The following AIM2 variants were observed in gnomAD, a reference collection of about 807,000 sequenced individuals.
AIM2 encodes interferon-inducible protein AIM2.
In AIM2, 30 loss-of-function variants were observed where a neutral mutation model predicts 27.7. The observed-to-expected ratio is 1.08, with a 90% CI of 0.81 to 1.47. AIM2 has a LOEUF of 1.47. Among genes scored for constraint, AIM2 ranks in the 40% most tolerant of loss-of-function variants. The probability of loss-of-function intolerance (pLI) is 0.00; values close to 1 mark genes in which losing one functional copy is unlikely to be tolerated. For missense variants in AIM2, 358 were observed against 411.3 expected, an observed-to-expected ratio of 0.87 and a Z score of 1.12; for synonymous variants, 141 against 145.3, an observed-to-expected ratio of 0.97 and a Z score of 0.21.
At chr1:159,108,057 G>A (rs1657490146) in intron 1 of AIM2, among the ~76,000 whole-genome samples, 1 of 152,142 alleles carries the variant, frequency 6.6e-6, no homozygotes, top group Non-Finnish European at 1.5e-5. Flanking sequence ...ATTCTATGAA[G>A]CCAGTATCAC....
At chr1:159,088,424 C>G (rs1006616736) in intron 1 of AIM2, among the ~76,000 whole-genome samples, 1 of 152,144 alleles carries the variant, frequency 6.6e-6, no homozygotes, top group East Asian at 1.9e-4. Context: ...CAGCTTCAGT[C>G]TGGTTTTCCC....
At chr1:159,119,760 T>C (rs1647479536) in intron 1 of AIM2, among the ~76,000 whole-genome samples, 1 of 152,078 alleles carries the variant, frequency 6.6e-6, no homozygotes, top group Admixed American at 6.6e-5. Flanking sequence ...TGTATTTTCG[T>C]TCTCACCCCC....
downstream of AIM2, among the ~76,000 whole-genome samples, chr1:159,059,895 C>CACAT (rs538890557): frequency 1.1e-4 from 16 of 152,212 alleles, no homozygotes; most frequent in South Asian, 3.3e-3. Flanking sequence ...TCCACCTTAC[C>CACAT]ACATATCAGA....
chr1:159,111,837 T>G (rs1178071881), intron 1 of AIM2, among the ~76,000 whole-genome samples: 1 of 69,436 alleles, frequency 1.4e-5, no homozygotes, highest in Non-Finnish European at 3.1e-5. Context: ...CTATCATCTA[T>G]CTATCTATCT....
chr1:159,074,305 C>T (rs759112617), intron 1 of AIM2, among the ~76,000 whole-genome samples: 8 of 152,034 alleles, frequency 5.3e-5, no homozygotes, highest in South Asian at 2.1e-4. Flanking sequence ...AAGAATTTTA[C>T]GGTTTGATCA....
upstream of AIM2, among the ~76,000 whole-genome samples, chr1:159,080,891 T>C (rs118000524): frequency 9.8e-3 from 1,485 of 152,258 alleles, 9 homozygotes; most frequent in Non-Finnish European, 0.015. Context: ...TGGCTCACAG[T>C]GATTCCCATG....
At chr1:159,100,680 T>C (rs1169789148) in intron 1 of AIM2, among the ~76,000 whole-genome samples, 3 of 152,216 alleles carry the variant, frequency 2.0e-5, no homozygotes, top group Non-Finnish European at 4.4e-5. Flanking sequence ...ATTTTACCTG[T>C]AGAGGAAAGC....
intron 1 of AIM2, among the ~76,000 whole-genome samples, chr1:159,129,027 G>A (rs1647799896): frequency 6.6e-6 from 1 of 152,132 alleles, no homozygotes; most frequent in South Asian, 2.1e-4. Flanking sequence ...CTATGAATGT[G>A]ACCTCATTTG....
intron 1 of AIM2, among the ~76,000 whole-genome samples, chr1:159,090,505 T>C (rs899905435): frequency 2.0e-5 from 3 of 152,232 alleles, no homozygotes; most frequent in East Asian, 1.9e-4. Flanking sequence ...GTAATTGTCA[T>C]CACGCCACTA....
intron 1 of AIM2, among the ~76,000 whole-genome samples, chr1:159,102,315 A>G (rs1657333199): frequency 6.6e-6 from 1 of 152,204 alleles, no homozygotes; most frequent in South Asian, 2.1e-4. Context: ...ATGTATGGAA[A>G]TGTCTGCGTG....
chr1:159,078,244 T>G (rs140016964), upstream of AIM2, among the ~76,000 whole-genome samples: 82 of 152,348 alleles, frequency 5.4e-4, 1 homozygote, highest in Middle Eastern at 0.01. Context: ...ATTCTCTGCC[T>G]CATGCTCCTA....
chr1:159,077,626 AC>A (rs1656659381), upstream of AIM2, among the ~76,000 whole-genome samples: 1 of 152,122 alleles, frequency 6.6e-6, no homozygotes, highest in Admixed American at 6.5e-5. Flanking sequence ...CCCTCTGCTA[AC>A]CTTTTTGACC....
chr1:159,135,982 G>A (rs898396878), intron 1 of AIM2, among the ~76,000 whole-genome samples: 1 of 152,128 alleles, frequency 6.6e-6, no homozygotes, highest in Admixed American at 6.5e-5. Context: ...TTTAAAGCCC[G>A]GCATTGCCCC....
upstream of AIM2, among the ~76,000 whole-genome samples, chr1:159,143,127 C>G (rs1469189108): frequency 6.6e-6 from 1 of 152,110 alleles, no homozygotes; most frequent in Non-Finnish European, 1.5e-5. Flanking sequence ...ATTAGAAAAC[C>G]CTTAAGGGCT....
intron 4 of AIM2, among the ~76,000 whole-genome samples, chr1:159,064,306 C>A (rs1413925521): frequency 1.3e-5 from 2 of 152,206 alleles, no homozygotes; most frequent in East Asian, 3.9e-4. Flanking sequence ...GTCTCCTATG[C>A]CTATCTTTCC....
chr1:159,136,929 G>A (rs548133715), intron 1 of AIM2, among the ~76,000 whole-genome samples: 20 of 152,266 alleles, frequency 1.3e-4, no homozygotes, highest in African/African-American at 3.6e-4. Flanking sequence ...ACAGCACTAC[G>A]GCTTGGGAAT....
chr1:159,108,400 A>G (rs1432415807), intron 1 of AIM2, among the ~76,000 whole-genome samples: 1 of 152,174 alleles, frequency 6.6e-6, no homozygotes, highest in African/African-American at 2.4e-5. Context: ...CCTCAATATA[A>G]CAAAAGCCAT....
intron 5 of AIM2, among the ~76,000 whole-genome samples, chr1:159,063,063 G>C (rs955664876): frequency 6.6e-6 from 1 of 152,164 alleles, no homozygotes; most frequent in Admixed American, 6.5e-5. Context: ...TCAAGAGTAG[G>C]GGTTTACATG....
At chr1:159,085,200 T>C (rs1325306276) in intron 1 of AIM2, among the ~76,000 whole-genome samples, 1 of 152,044 alleles carries the variant, frequency 6.6e-6, no homozygotes, top group Non-Finnish European at 1.5e-5. Flanking sequence ...CTTGGAAGCA[T>C]CTGACAGGGC....
Sources: allele counts gnomAD v4.1 joint callset (sites outside exome capture counted in the v4.1 genomes callset), GRCh38; gene constraint gnomAD v4.1.1; transcripts MANE v1.5; gene names NCBI Gene and HGNC (gene_info 2026-07-23, HGNC 2026-07-21).